FKTN: variants seen among roughly 807,000 people sequenced by gnomAD.
The protein encoded by FKTN is ribitol-5-phosphate transferase FKTN.
In FKTN, 47 loss-of-function variants were observed where a neutral mutation model predicts 58.6. The ratio of observed to expected loss-of-function variants is 0.80; its 90% confidence interval spans 0.63 to 1.02. The LOEUF (loss-of-function observed/expected upper bound fraction) is 1.02, where lower values mean the gene tolerates loss of function less well. FKTN is among the 50% of genes least tolerant of loss of function. FKTN has a pLI of 0.00. For missense variants in FKTN, 516 were observed against 537.3 expected, an observed-to-expected ratio of 0.96 and a Z score of 0.39; for synonymous variants, 178 against 191.9, an observed-to-expected ratio of 0.93 and a Z score of 0.60.
chr9:105,589,832 A>G (rs1434817111), intron 3 of FKTN, among the ~76,000 whole-genome samples: 1 of 152,200 alleles, frequency 6.6e-6, no homozygotes, highest in African/African-American at 2.4e-5. Context: ...AACAAAGAAA[A>G]TACAAAAGTC....
intron 3 of FKTN, among the ~76,000 whole-genome samples, chr9:105,585,522 C>T (rs1276305080): frequency 6.6e-6 from 1 of 152,174 alleles, no homozygotes; most frequent in Non-Finnish European, 1.5e-5. Flanking sequence ...ATTTCAGTGT[C>T]ATTGTGGAAA....
intron 10 of FKTN, among the ~76,000 whole-genome samples, chr9:105,622,662 C>A (rs1832165523): frequency 6.6e-6 from 1 of 151,938 alleles, no homozygotes; most frequent in South Asian, 2.1e-4. Context: ...AGATTTAATG[C>A]CAGACCTGTT....
intron 9 of FKTN, among the ~76,000 whole-genome samples, chr9:105,618,966 G>A (rs1348126887): frequency 6.6e-6 from 1 of 151,946 alleles, no homozygotes; most frequent in East Asian, 1.9e-4. Context: ...GGCTGAGGCA[G>A]GAGAATGGCG....
chr9:105,608,151 C>T (rs1588137780), intron 7 of FKTN, among the ~76,000 whole-genome samples, 200 bp downstream of exon 7: 1 of 151,958 alleles, frequency 6.6e-6, no homozygotes, highest in East Asian at 1.9e-4. Context: ...AAACTATTTT[C>T]TAAGTCAATA....
Position 105,583,900 on chromosome 9 carries a change from A to G in FKTN, c.105+8763A>G, listed in dbSNP as rs75678213. 7.9e-3 allele frequency among the ~76,000 whole-genome samples: 1,207 copies of G among 152,322 alleles called. 10 individuals carry two copies. The highest frequency in any genetic ancestry group is 0.02 in the Middle Eastern group (6 of 294). On this transcript the variant is annotated intron_variant, in intron 3 of 10. Transcript: ENST00000357998. ...TACATTTTTCCACAATGATTAACCA[A>G]TTGTCCCAATATCCCTTATTGAATT...
intron 10 of FKTN, among the ~76,000 whole-genome samples, chr9:105,622,562 C>A (rs753635554): frequency 9.2e-5 from 14 of 151,748 alleles, no homozygotes; most frequent in Non-Finnish European, 1.8e-4. Flanking sequence ...CCTGTGGGTT[C>A]GGTATTCTCA....
At chr9:105,590,771 G>A (rs1192715673) in intron 3 of FKTN, among the ~76,000 whole-genome samples, 3 of 152,144 alleles carry the variant, frequency 2.0e-5, no homozygotes, top group African/African-American at 7.2e-5. Flanking sequence ...TTTCATTGCT[G>A]TAAAGAAATA....
At chr9:105,598,219 C>A (rs1827179823) in intron 4 of FKTN, 9 of 391,686 alleles carry the variant, frequency 2.3e-5, no homozygotes, top group Non-Finnish European at 3.2e-5. Flanking sequence ...ATTGAGGGGA[C>A]TAAAAAAAAT....
chr9:105,577,114 A>C (rs1841882712), intron 3 of FKTN, among the ~76,000 whole-genome samples: 2 of 144,406 alleles, frequency 1.4e-5, no homozygotes, highest in African/African-American at 5.3e-5. Flanking sequence ...CCCATTTTGT[A>C]GGTTGCCTGT....
intron 6 of FKTN, among the ~76,000 whole-genome samples, chr9:105,605,390 A>G (rs573122616): frequency 6.6e-6 from 1 of 152,294 alleles, no homozygotes; most frequent in South Asian, 2.1e-4. Flanking sequence ...CATTTAGATA[A>G]ATTATGAACT....
chr9:105,636,791 C>A lies in FKTN; in HGVS notation c.*1527C>A. 1 of 1,266,348 alleles carries A rather than the reference C, an allele frequency of 7.9e-7. No individual in the cohort carries two copies. The highest frequency in any genetic ancestry group is 1.0e-6 in the Non-Finnish European group (1 of 963,544). The allele number at this position is 1,266,348 out of a possible 1,614,324, so 78.4% of individuals were successfully genotyped here. A position where few individuals can be genotyped will look rare whatever the true frequency, so the allele number is the denominator to read the frequency against. On this transcript the variant is annotated 3_prime_UTR_variant, in exon 11 of 11. Coordinates refer to ENST00000357998, the MANE Select transcript of FKTN (RefSeq NM_001079802.2). ...GTCTCAAGAATGGAAACCTGAATGT[C>A]TGAGGGAATGGGCTGGTAGACTTTT...
intron 9 of FKTN, among the ~76,000 whole-genome samples, chr9:105,619,731 T>A (rs1211720080): frequency 6.6e-6 from 1 of 152,226 alleles, no homozygotes; most frequent in African/African-American, 2.4e-5. Context: ...TTATTTTAGA[T>A]GCAGTTAAGA....
At chr9:105,595,026 T>C (rs1826503900) in intron 3 of FKTN, among the ~76,000 whole-genome samples, 1 of 152,176 alleles carries the variant, frequency 6.6e-6, no homozygotes, top group South Asian at 2.1e-4. Flanking sequence ...TACTGATACA[T>C]GCCACAGCAT....
intron 3 of FKTN, among the ~76,000 whole-genome samples, chr9:105,586,339 G>C (rs969958583): frequency 8.5e-5 from 13 of 152,296 alleles, no homozygotes; most frequent in African/African-American, 2.6e-4. Context: ...CTTTAGTGTA[G>C]TGTCCTTGTG....
At chr9:105,587,652 C>G (rs1844139404) in intron 3 of FKTN, among the ~76,000 whole-genome samples, 2 of 152,162 alleles carry the variant, frequency 1.3e-5, no homozygotes, top group South Asian at 4.1e-4. Context: ...CCCTCTCACT[C>G]CTGCTATTAT....
chr9:105,634,989 G>C (rs774822484), intron 10 of FKTN, 62 bp from the exon 11 acceptor site: 8 of 1,339,206 alleles, frequency 6.0e-6, no homozygotes, highest in Non-Finnish European at 8.6e-6. Context: ...TGCACTAGCA[G>C]CTAGATTCCT....
Position 105,636,725 on chromosome 9 carries a change from G to T in FKTN, c.*1461G>T. ...CTATGCTATTTAGGACTACTTTCTGGAGCTTGGCAGATTTTCCTCTGACAC... is the reference window on the plus strand; with the variant it reads ...CTATGCTATTTAGGACTACTTTCTGTAGCTTGGCAGATTTTCCTCTGACAC... On this transcript the variant is annotated 3_prime_UTR_variant, in exon 11 of 11. Coordinates refer to ENST00000357998, the MANE Select transcript of FKTN (RefSeq NM_001079802.2). 7.7e-7 allele frequency: 1 copy of T among 1,297,210 alleles called. No homozygotes were observed. The highest frequency in any genetic ancestry group is 1.3e-5 in the South Asian group (1 of 79,868). The allele number at this position is 1,297,210 out of a possible 1,614,324, so 80.4% of individuals were successfully genotyped here.
chr9:105,579,756 G>A (rs10978163), intron 3 of FKTN, among the ~76,000 whole-genome samples: 17,834 of 144,856 alleles, frequency 0.12, 1,311 homozygotes, highest in East Asian at 0.44. Context: ...GTCTAATGTT[G>A]ACAGTGGGGT....
At position 105,639,827 on chromosome 9, in the gene FKTN, T is replaced by C; in HGVS notation, c.*4563T>C. 1 of 1,260,876 alleles carries C rather than the reference T, an allele frequency of 7.9e-7. No individual in the cohort carries two copies. 78.1% of individuals were successfully genotyped at this position (1,260,876 alleles called of 1,614,324 possible). ...TTATCCCATATGCTACCTAGTTTGCTGGTCCCAAGCAGTTTACTGTACTTC... is the reference window on the plus strand; with the variant it reads ...TTATCCCATATGCTACCTAGTTTGCCGGTCCCAAGCAGTTTACTGTACTTC... On this transcript the variant is annotated 3_prime_UTR_variant, in exon 11 of 11. Transcript: ENST00000357998.
Sources: gnomAD v4.1 joint callset for allele counts (sites outside exome capture counted in the v4.1 genomes callset) on GRCh38, gnomAD v4.1.1 for gene constraint, MANE v1.5 for transcripts, NCBI Gene and HGNC (gene_info 2026-07-23, HGNC 2026-07-21) for gene names.